Variants in ATP5PD observed in about 807,000 individuals in gnomAD.
ATP5PD encodes the protein ATP synthase peripheral stalk subunit d.
A neutral mutation model predicts 22.6 loss-of-function variants in ATP5PD; 13 were observed. That is an observed-to-expected ratio of 0.58 (90% CI 0.37 to 0.91). ATP5PD has a LOEUF of 0.91. Among genes scored for constraint, ATP5PD ranks in the 40% least tolerant of loss-of-function variants. The pLI, the probability that ATP5PD is intolerant of heterozygous loss-of-function variation, is 0.00. For missense variants in ATP5PD, 165 were observed against 188.0 expected, an observed-to-expected ratio of 0.88 and a Z score of 0.72; for synonymous variants, 51 against 65.0, an observed-to-expected ratio of 0.79 and a Z score of 1.03.
intron 1 of ATP5PD, among the ~76,000 whole-genome samples, chr17:75,045,796 A>G (rs895245434): frequency 2.0e-5 from 3 of 152,240 alleles, no homozygotes; most frequent in African/African-American, 7.2e-5. Flanking sequence ...GGAACGATAT[A>G]CATCCTCAAC....
intron 1 of ATP5PD, among the ~76,000 whole-genome samples, chr17:75,043,913 G>C (rs539356489): frequency 1.3e-5 from 2 of 148,646 alleles, no homozygotes; most frequent in African/African-American, 4.9e-5. Flanking sequence ...ACTTGCTCCA[G>C]AGTTTTACAA....
chr17:75,046,618 T>TC (rs1285781215), intron 1 of ATP5PD, among the ~76,000 whole-genome samples: 2 of 152,048 alleles, frequency 1.3e-5, no homozygotes, highest in Non-Finnish European at 1.5e-5. Context: ...GTTTCCCCAG[T>TC]CCCCCCACCA....
Position 75,039,313 on chromosome 17 carries a change from A to C in ATP5PD, c.292-42T>G, listed in dbSNP as rs1485596086. On this transcript the variant is annotated intron_variant, in intron 4 of 5. Transcript: ENST00000301587. Reference sequence around the variant, plus strand: ...AAATTCAGTTCTGAAACCAGGCTGCATTCTACCCCAGCAGCTGCTAAGGTA... The same window carrying C: ...AAATTCAGTTCTGAAACCAGGCTGCCTTCTACCCCAGCAGCTGCTAAGGTA... The C allele has an allele frequency of 3.8e-6, 6 of 1,572,952 alleles. No individual in the cohort carries two copies. In the South Asian group the frequency reaches 5.5e-5, roughly 15 times the overall value.
chr17:75,044,199 AT>A (rs755560156), intron 1 of ATP5PD, among the ~76,000 whole-genome samples: 1,118 of 94,656 alleles, frequency 0.012, 96 homozygotes, highest in Admixed American at 0.05. Context: ...TAATTTTTGT[AT>A]TTTTTTTTTT....
rs774708814 is a variant in ATP5PD, at chr17:75,042,282, C to T, written c.123-5G>A. 1 of 1,613,466 alleles carries T rather than the reference C, an allele frequency of 6.2e-7. No individual in the cohort carries two copies. Among genetic ancestry groups the T allele is most frequent in the Non-Finnish European group, 8.5e-7 (1 of 1,179,778 alleles). On this transcript the variant is annotated splice_region_variant and splice_polypyrimidine_tract_variant and intron_variant, in intron 2 of 5. Coordinates refer to ENST00000301587, the MANE Select transcript of ATP5PD (RefSeq NM_006356.3). ...TTCTCAGGTAAAGCAGCCAACCTGCCCACAAGGAAAGGCAAAAGTTAGGAT... is the reference window on the plus strand; with the variant it reads ...TTCTCAGGTAAAGCAGCCAACCTGCTCACAAGGAAAGGCAAAAGTTAGGAT...
chr17:75,039,031 A>C lies in ATP5PD; in HGVS notation c.387T>G (p.Asp129Glu). 1 of 1,614,128 alleles carries C rather than the reference A, an allele frequency of 6.2e-7. No individual in the cohort carries two copies. The stretch of plus-strand genomic sequence containing the variant: ...CATTCAAGTCCTCAATGGTCATCTG[A>C]TCAAATGGAATTAAGTTCTTCATCT... ...MEKMKNLIPF[D>E]QMTIEDLNEA... Residue 129 changes from aspartate to glutamate, a missense_variant, in exon 6 of 6, where the codon GAT (aspartate) becomes GAG (glutamate). By Grantham distance (45) the Asp-to-Glu change is conservative. Transcript: ENST00000301587.
At chr17:75,040,315 C>T (rs899869768) in intron 3 of ATP5PD, 152 bp from the exon 4 acceptor site, 26 of 814,516 alleles carry the variant, frequency 3.2e-5, no homozygotes, top group Middle Eastern at 7.2e-4. Flanking sequence ...CAAGCGGAAA[C>T]GAATACGCAT....
intron 4 of ATP5PD, 106 bp from the exon 5 acceptor site, chr17:75,039,377 A>G (rs906448155): frequency 2.0e-6 from 2 of 1,006,286 alleles, no homozygotes; most frequent in South Asian, 1.3e-5. Context: ...CTATTGCTCT[A>G]TGGAGAAACT....
chr17:75,046,684 G>C lies in ATP5PD; in HGVS notation c.-10+241C>G, dbSNP rs140173009. ...ACTGCACGAGACACGGCTTGTGGCA[G>C]CGCCTACATCAGCGGCGCCTGGGAC... On this transcript the variant is annotated intron_variant, in intron 1 of 5. Coordinates refer to ENST00000301587, the MANE Select transcript of ATP5PD (RefSeq NM_006356.3). Among the ~76,000 whole-genome samples the C allele has an allele frequency of 2.5e-4, 38 of 152,354 alleles. No homozygotes were observed. The East Asian group carries it at 5.2e-3, about 21-fold the overall frequency.
intron 1 of ATP5PD, among the ~76,000 whole-genome samples, chr17:75,044,871 T>C (rs988991234): frequency 6.6e-6 from 1 of 152,202 alleles, no homozygotes; most frequent in Non-Finnish European, 1.5e-5. Context: ...CAAACACCTG[T>C]CCTGTCCTTC....
intron 1 of ATP5PD, among the ~76,000 whole-genome samples, chr17:75,044,216 T>A (rs1487154457): frequency 0.015 from 1,190 of 78,526 alleles, 168 homozygotes; most frequent in African/African-American, 0.11. Context: ...TTTTTTTTTT[T>A]GAGACGGAGT....
chr17:75,041,360 A>G (rs2073158133), intron 3 of ATP5PD: 2 of 151,116 alleles, frequency 1.3e-5, no homozygotes, highest in African/African-American at 4.9e-5. Flanking sequence ...AACTCAAAAA[A>G]AAAAAAAAAA....
chr17:75,040,513 C>G, intron 3 of ATP5PD: 1 of 284,138 alleles, frequency 3.5e-6, no homozygotes. Context: ...TAAAGAAATT[C>G]TGATTTCTCT....
intron 1 of ATP5PD, among the ~76,000 whole-genome samples, chr17:75,046,048 G>A (rs1311270009): frequency 6.6e-6 from 1 of 152,190 alleles, no homozygotes; most frequent in African/African-American, 2.4e-5. Flanking sequence ...CTGATTTCCC[G>A]CAACATCAGT....
At chr17:75,042,478 G>C (rs2073171181) in intron 2 of ATP5PD, 51 bp downstream of exon 2, 2 of 1,593,142 alleles carry the variant, frequency 1.3e-6, no homozygotes, top group Non-Finnish European at 1.7e-6. Context: ...ATACTGTTTT[G>C]TTTCTAGATT....
intron 3 of ATP5PD, chr17:75,041,001 T>G (rs866862667): frequency 2.6e-5 from 4 of 151,880 alleles, no homozygotes; most frequent in Non-Finnish European, 4.4e-5. Context: ...CTCTGGATAT[T>G]GAGACTTGTG....
At chr17:75,044,022 ACT>A (rs1491287513) in intron 1 of ATP5PD, among the ~76,000 whole-genome samples, 4 of 135,174 alleles carry the variant, frequency 3.0e-5, no homozygotes, top group Non-Finnish European at 6.1e-5. Flanking sequence ...CACGTTGTGC[ACT>A]TTTTTTTTTT....
chr17:75,044,711 A>T (rs1488157558), intron 1 of ATP5PD, among the ~76,000 whole-genome samples: 2 of 151,674 alleles, frequency 1.3e-5, no homozygotes, highest in African/African-American at 4.9e-5. Context: ...CAGCCACTTA[A>T]AAAAAAAGTC....
Position 75,038,951 on chromosome 17 carries a change from T to A in ATP5PD, c.467A>T (p.Gln156Leu). 2 of 1,613,700 alleles carry A rather than the reference T, an allele frequency of 1.2e-6. No homozygotes were observed. The highest frequency in any genetic ancestry group is 1.7e-6 in the Non-Finnish European group (2 of 1,179,846). The change falls in exon 6 of 6, where the codon CAA (glutamine) becomes CTA (leucine). Residue 156 changes from glutamine to leucine, a missense_variant. Gln to Leu is a moderately radical substitution (Grantham distance 113). Coordinates refer to ENST00000301587, the MANE Select transcript of ATP5PD (RefSeq NM_006356.3). ...DKKKYPYWPH[Q>L]PIENL is the part of the protein sequence containing the mutation. ...TCAATTTTATAAATTCTCAATTGGT[T>A]GGTGAGGCCAATAGGGATACTTTTT...
Sources: allele counts gnomAD v4.1 joint callset (sites outside exome capture counted in the v4.1 genomes callset), GRCh38; gene constraint gnomAD v4.1.1; transcripts MANE v1.5; gene names NCBI Gene and HGNC (gene_info 2026-07-23, HGNC 2026-07-21).